Variants in COP1 observed in about 807,000 individuals in gnomAD.
COP1 encodes the protein COP1 E3 ubiquitin ligase.
In COP1, 24 loss-of-function variants were observed where a neutral mutation model predicts 101.3. The observed-to-expected ratio is 0.24, with a 90% confidence interval of 0.17 to 0.33. COP1 has a LOEUF of 0.33. COP1 is among the 10% of genes least tolerant of loss of function. COP1 has a pLI of 1.00. For missense variants in COP1, 663 were observed against 906.2 expected (o/e 0.73, Z 3.45); for synonymous variants, 347 against 341.9 (o/e 1.01, Z -0.17).
At chr1:175,969,295 C>T (rs1652776307) in intron 18 of COP1, among the ~76,000 whole-genome samples, 1 of 152,146 alleles carries the variant, frequency 6.6e-6, no homozygotes, top group African/African-American at 2.4e-5. Flanking sequence ...CACACTACCT[C>T]CAAATAGTCA....
At chr1:175,947,688 T>C (rs1649362469) in intron 18 of COP1, among the ~76,000 whole-genome samples, 1 of 152,150 alleles carries the variant, frequency 6.6e-6, no homozygotes, top group Non-Finnish European at 1.5e-5. Context: ...AATTTTAACA[T>C]GTTTTTAACT....
chr1:176,163,902 A>T lies in COP1; in HGVS notation c.566-11T>A. 2 of 1,550,220 alleles carry T rather than the reference A, an allele frequency of 1.3e-6. No individual in the cohort carries two copies. Among genetic ancestry groups the T allele is most frequent in the Non-Finnish European group, 1.8e-6 (2 of 1,133,878 alleles). Reference sequence around the variant, plus strand: ...GAATGAGTTCATTCACTGAAAACAGAAACAAAATAAAAAGCACACATAATT... The same window carrying T: ...GAATGAGTTCATTCACTGAAAACAGTAACAAAATAAAAAGCACACATAATT... On this transcript the variant is annotated splice_polypyrimidine_tract_variant and intron_variant, in intron 3 of 19. Coordinates refer to ENST00000367669, the MANE Select transcript of COP1 (RefSeq NM_022457.7).
intron 9 of COP1, among the ~76,000 whole-genome samples, chr1:176,086,641 T>C (rs1680225307): frequency 6.6e-6 from 1 of 151,624 alleles, no homozygotes; most frequent in Non-Finnish European, 1.5e-5. Context: ...CATTCCATGC[T>C]CATGGATAGG....
intron 11 of COP1, among the ~76,000 whole-genome samples, chr1:176,049,560 AAGAC>A (rs1672177837): frequency 6.6e-6 from 1 of 152,100 alleles, no homozygotes; most frequent in African/African-American, 2.4e-5. Flanking sequence ...AAGGGAAAGA[AAGAC>A]AAACAGGTCC....
intron 2 of COP1, among the ~76,000 whole-genome samples, chr1:176,183,945 T>C (rs1698114175): frequency 6.6e-6 from 1 of 151,856 alleles, no homozygotes; most frequent in African/African-American, 2.4e-5. Flanking sequence ...GAAGGGGAAA[T>C]GGGGAATTGT....
intron 13 of COP1, among the ~76,000 whole-genome samples, chr1:176,043,501 G>T (rs758781515): frequency 6.6e-6 from 1 of 152,038 alleles, no homozygotes; most frequent in Non-Finnish European, 1.5e-5. Flanking sequence ...CATAAAGACC[G>T]AAGTCTGAAG....
intron 11 of COP1, among the ~76,000 whole-genome samples, chr1:176,068,912 C>A (rs1421230310): frequency 6.6e-6 from 1 of 152,168 alleles, no homozygotes; most frequent in Non-Finnish European, 1.5e-5. Flanking sequence ...CAAACTTCTG[C>A]AAGGAATTAC....
At chr1:175,946,028 A>G (rs1649124461) in intron 19 of COP1, among the ~76,000 whole-genome samples, 1 of 152,184 alleles carries the variant, frequency 6.6e-6, no homozygotes, top group South Asian at 2.1e-4. Flanking sequence ...GGCAATCCCA[A>G]TTGGTGTAAA....
At chr1:176,145,521 T>C (rs1030153497) in intron 6 of COP1, among the ~76,000 whole-genome samples, 5 of 152,176 alleles carry the variant, frequency 3.3e-5, no homozygotes, top group African/African-American at 4.8e-5. Context: ...TCCATATAAA[T>C]ATGTATACTA....
At chr1:176,042,562 CAA>C (rs1171580353) in intron 14 of COP1, among the ~76,000 whole-genome samples, 17 of 53,090 alleles carry the variant, frequency 3.2e-4, no homozygotes, top group Non-Finnish European at 5.4e-4. Flanking sequence ...GAATCCGTCT[CAA>C]AAAAAAAAAA....
chr1:176,000,373 T>C (rs539566994), intron 15 of COP1, among the ~76,000 whole-genome samples: 2 of 152,094 alleles, frequency 1.3e-5, no homozygotes, highest in Non-Finnish European at 2.9e-5. Context: ...CTCCAGTGTA[T>C]GTTCTTGGCA....
intron 14 of COP1, among the ~76,000 whole-genome samples, chr1:176,032,465 CAT>C (rs1271466874): frequency 6.6e-6 from 1 of 152,172 alleles, no homozygotes; most frequent in Non-Finnish European, 1.5e-5. Context: ...AAACAGCAAA[CAT>C]ATACTATCTC....
chr1:176,165,031 T>C (rs1694883100), intron 3 of COP1, among the ~76,000 whole-genome samples: 1 of 152,062 alleles, frequency 6.6e-6, no homozygotes, highest in African/African-American at 2.4e-5. Flanking sequence ...TCCCAGTATA[T>C]CACAATGCAA....
chr1:176,152,963 C>T (rs2149858723), intron 5 of COP1, among the ~76,000 whole-genome samples: 1 of 152,244 alleles, frequency 6.6e-6, no homozygotes, highest in African/African-American at 2.4e-5. Flanking sequence ...ATATTCACTT[C>T]TGCTTGTATA....
intron 10 of COP1, among the ~76,000 whole-genome samples, chr1:176,084,263 C>T (rs1285738793): frequency 6.6e-6 from 1 of 152,128 alleles, no homozygotes; most frequent in Non-Finnish European, 1.5e-5. Context: ...GCCACTGCGC[C>T]CGGACTGATT....
chr1:176,026,658 T>C (rs1396395675), intron 15 of COP1, among the ~76,000 whole-genome samples: 1 of 152,120 alleles, frequency 6.6e-6, no homozygotes, highest in Non-Finnish European at 1.5e-5. Context: ...AGTAGCCCAG[T>C]GACACAGTGA....
In COP1 at chr1:176,105,602, G is replaced by T. The variant is rs145534287; in HGVS notation, c.1026+11022C>A. On this transcript the variant is annotated intron_variant, in intron 9 of 19. Transcript: ENST00000367669. The stretch of plus-strand genomic sequence containing the variant: ...ATAAATATAGAAAGGACAAATGCCA[G>T]AATGAACCCTAAACATGGTAGAATA... Among the ~76,000 whole-genome samples the T allele has an allele frequency of 8.6e-4, 131 of 152,290 alleles. 2 individuals carry two copies. The highest frequency in any genetic ancestry group is 8.0e-3 in the Admixed American group (123 of 15,306).
chr1:175,966,184 C>A (rs1259449601), intron 18 of COP1, among the ~76,000 whole-genome samples: 1 of 151,918 alleles, frequency 6.6e-6, no homozygotes, highest in Non-Finnish European at 1.5e-5. Context: ...AATAAAAGGT[C>A]TTGGTCTTTA....
intron 18 of COP1, among the ~76,000 whole-genome samples, chr1:175,955,069 G>A (rs956487106): frequency 6.6e-6 from 1 of 151,896 alleles, no homozygotes; most frequent in African/African-American, 2.4e-5. Flanking sequence ...GCAATATGGC[G>A]AAACCCTCTC....
Sources: gnomAD v4.1 joint callset for allele counts (sites outside exome capture counted in the v4.1 genomes callset) on GRCh38, gnomAD v4.1.1 for gene constraint, MANE v1.5 for transcripts, NCBI Gene and HGNC (gene_info 2026-07-23, HGNC 2026-07-21) for gene names.